The following HTR3B variants were observed in gnomAD, a reference collection of about 807,000 sequenced individuals.
HTR3B encodes the protein 5-hydroxytryptamine (serotonin) receptor 3B, ionotropic.
HTR3B carries 44 observed loss-of-function variants against 42.8 expected under a neutral mutation model. The observed-to-expected ratio is 1.03, with a 90% confidence interval of 0.81 to 1.32. HTR3B has a LOEUF of 1.32. Among genes scored for constraint, HTR3B ranks in the 40% most tolerant of loss-of-function variants. The pLI is 0.00. For synonymous variants in HTR3B, 203 were observed against 209.0 expected (o/e 0.97, Z 0.25); for missense variants, 527 against 536.5 (o/e 0.98, Z 0.17).
chr11:113,913,510 C>T lies in HTR3B; in HGVS notation c.213+4055C>T, dbSNP rs1949819511. ...ACGGGTGTGAGCCACCATGCTTGGC[C>T]TTTTTAAAAAAAATTTTATTTTTAG... On this transcript the variant is annotated intron_variant, in intron 2 of 8. Transcript: ENST00000260191. 3.3e-5 allele frequency among the ~76,000 whole-genome samples: 5 copies of T among 149,330 alleles called. No homozygotes were observed. In the South Asian group the frequency reaches 1.1e-3, roughly 32 times the overall value.
Position 113,931,778 on chromosome 11 carries a change from A to G in HTR3B, c.279A>G (p.Leu93=), listed in dbSNP as rs1220954545. 1.2e-6 allele frequency: 2 copies of G among 1,611,386 alleles called. No individual in the cohort carries two copies. The highest frequency in any genetic ancestry group is 1.7e-5 in the Admixed American group (1 of 60,008). The change falls in exon 4 of 9, where the codon TTA becomes TTG. Residue 93 remains leucine (L), a synonymous_variant. Transcript: ENST00000260191. Reference sequence around the variant, plus strand: ...AACAGGTCTGGAATGATGAATTTTTATCCTGGAACTCCAGCATGTTTGATG... The same window carrying G: ...AACAGGTCTGGAATGATGAATTTTTGTCCTGGAACTCCAGCATGTTTGATG... ...WYQEVWNDEF[L]SWNSSMFDEI... is the part of the protein sequence containing the mutation.
chr11:113,932,203 T>A, intron 4 of HTR3B, 86 bp from the exon 5 acceptor site: 1 of 1,111,510 alleles, frequency 9.0e-7, no homozygotes, highest in Non-Finnish European at 1.3e-6. Context: ...CTGGACCTCA[T>A]GGTCACTACC....
Position 113,905,020 on chromosome 11 carries a change from G to T in HTR3B, c.52+35G>T, listed in dbSNP as rs1949725154. Reference sequence around the variant, plus strand: ...TTTAATAATTTTACTAGGCATTAAGGATTAACTCTTAGAAGATAGAGACAA... The same window carrying T: ...TTTAATAATTTTACTAGGCATTAAGTATTAACTCTTAGAAGATAGAGACAA... On this transcript the variant is annotated intron_variant, in intron 1 of 8. Coordinates refer to ENST00000260191, the MANE Select transcript of HTR3B (RefSeq NM_006028.5). 2.7e-6 allele frequency: 4 copies of T among 1,458,480 alleles called. No individual in the cohort carries two copies. In the South Asian group the frequency reaches 4.6e-5, roughly 17 times the overall value. The allele number at this position is 1,458,480 out of a possible 1,614,324, so 90.3% of individuals were successfully genotyped here. A position where few individuals can be genotyped will look rare whatever the true frequency, so the allele number is the denominator to read the frequency against.
chr11:113,933,291 C>A (rs1218266977), intron 6 of HTR3B, among the ~76,000 whole-genome samples, 198 bp downstream of exon 6: 1 of 152,116 alleles, frequency 6.6e-6, no homozygotes, highest in African/African-American at 2.4e-5. Context: ...CTGGGCCCCT[C>A]CAGAAGATAA....
At chr11:113,940,037 C>G (rs551200417) in intron 6 of HTR3B, among the ~76,000 whole-genome samples, 5 of 152,154 alleles carry the variant, frequency 3.3e-5, no homozygotes, top group Admixed American at 1.3e-4. Flanking sequence ...CAGGCACATG[C>G]CACCACACCT....
At chr11:113,917,004 T>A (rs997328194) in intron 2 of HTR3B, among the ~76,000 whole-genome samples, 1 of 152,218 alleles carries the variant, frequency 6.6e-6, no homozygotes, top group Admixed American at 6.6e-5. Flanking sequence ...TTTCTGATCT[T>A]TATACATTTG....
chr11:113,940,049 G>A (rs181064116), intron 6 of HTR3B, among the ~76,000 whole-genome samples: 3 of 152,024 alleles, frequency 2.0e-5, no homozygotes, highest in African/African-American at 7.2e-5. Context: ...ACCACACCTG[G>A]CTGATTTTTG....
chr11:113,939,162 T>A (rs894859891), intron 6 of HTR3B, among the ~76,000 whole-genome samples: 10 of 152,166 alleles, frequency 6.6e-5, no homozygotes, highest in African/African-American at 2.4e-4. Flanking sequence ...TGAGGTGGTT[T>A]TGGAAGGCCT....
intron 6 of HTR3B, among the ~76,000 whole-genome samples, chr11:113,936,215 A>G (rs1271270009): frequency 6.6e-6 from 1 of 151,854 alleles, no homozygotes; most frequent in Non-Finnish European, 1.5e-5. Flanking sequence ...TTCTTTAAAG[A>G]ATGAGGGTAG....
intron 2 of HTR3B, among the ~76,000 whole-genome samples, chr11:113,922,303 G>A (rs1440645311): frequency 3.9e-5 from 6 of 152,036 alleles, no homozygotes; most frequent in Admixed American, 3.9e-4. Context: ...ACAGTGGCGT[G>A]ACCTCAGTTC....
chr11:113,934,081 G>A (rs1464108222), intron 6 of HTR3B, among the ~76,000 whole-genome samples: 1 of 152,174 alleles, frequency 6.6e-6, no homozygotes, highest in African/African-American at 2.4e-5. Context: ...ATGCTAAGGG[G>A]AGGTGAAGAA....
chr11:113,901,730 G>A (rs543612035), upstream of HTR3B, among the ~76,000 whole-genome samples: 35 of 152,288 alleles, frequency 2.3e-4, no homozygotes, highest in African/African-American at 7.9e-4. Context: ...CACATCATTA[G>A]TAATGGCCTT....
intron 2 of HTR3B, among the ~76,000 whole-genome samples, chr11:113,929,253 T>C (rs1479612983): frequency 6.6e-6 from 1 of 152,214 alleles, no homozygotes; most frequent in Non-Finnish European, 1.5e-5. Flanking sequence ...TTTGATGATT[T>C]GCATTTCCCT....
At chr11:113,935,536 G>A (rs1006809289) in intron 6 of HTR3B, among the ~76,000 whole-genome samples, 3 of 142,086 alleles carry the variant, frequency 2.1e-5, no homozygotes, top group East Asian at 2.1e-4. Context: ...ATTCAGTGAC[G>A]ATCACAGTTT....
At chr11:113,921,712 G>A (rs1393559849) in intron 2 of HTR3B, among the ~76,000 whole-genome samples, 1 of 151,826 alleles carries the variant, frequency 6.6e-6, no homozygotes, top group Non-Finnish European at 1.5e-5. Flanking sequence ...ATTTTCCCTT[G>A]GAACAAGTGT....
intron 2 of HTR3B, among the ~76,000 whole-genome samples, chr11:113,928,174 G>T (rs1949995685): frequency 6.6e-6 from 1 of 152,062 alleles, no homozygotes; most frequent in African/African-American, 2.4e-5. Context: ...GAGGATAATG[G>T]CTTCCAGCTC....
chr11:113,899,691 T>C, the HTR3B span, among the ~76,000 whole-genome samples: 2 of 152,196 alleles, frequency 1.3e-5, no homozygotes, highest in Admixed American at 6.5e-5. Flanking sequence ...TCAGTTGCTG[T>C]TTGCATAATA....
At chr11:113,916,625 T>C (rs117862705) in intron 2 of HTR3B, among the ~76,000 whole-genome samples, 6,530 of 152,314 alleles carry the variant, frequency 0.043, 184 homozygotes, top group Non-Finnish European at 0.065. Context: ...ACTGAATCTA[T>C]AGATAAATTT....
intron 2 of HTR3B, among the ~76,000 whole-genome samples, chr11:113,919,866 CAAA>C (rs1311854703): frequency 6.7e-6 from 1 of 150,172 alleles, no homozygotes; most frequent in Non-Finnish European, 1.5e-5. Flanking sequence ...ACAACAACAA[CAAA>C]AAGAGTACAA....
Sources: allele counts gnomAD v4.1 joint callset (sites outside exome capture counted in the v4.1 genomes callset), GRCh38; gene constraint gnomAD v4.1.1; transcripts MANE v1.5; gene names NCBI Gene and HGNC (gene_info 2026-07-23, HGNC 2026-07-21).